The following NEK1 variants were observed in gnomAD, a reference collection of about 807,000 sequenced individuals.
The protein encoded by NEK1 is serine/threonine-protein kinase Nek1.
In NEK1, 137 loss-of-function variants were observed where a neutral mutation model predicts 182.1. That is an observed-to-expected ratio of 0.75 (90% CI 0.65 to 0.87). The LOEUF (loss-of-function observed/expected upper bound fraction) is 0.87. Among genes scored for constraint, NEK1 ranks in the 40% least tolerant of loss-of-function variants. The probability of loss-of-function intolerance (pLI) is 0.00; values close to 1 mark genes in which losing one functional copy is unlikely to be tolerated. For missense variants in NEK1, 1,391 were observed against 1,494.4 expected, an observed-to-expected ratio of 0.93 and a Z score of 1.14; for synonymous variants, 513 against 492.2, an observed-to-expected ratio of 1.04 and a Z score of -0.56.
At position 169,603,809 on chromosome 4, in the gene NEK1, G is replaced by A. The variant is rs188149772; in HGVS notation, c.-48-1131C>T. The stretch of plus-strand genomic sequence containing the variant: ...CAATCTCCACCTTCCAGGTTCCAGC[G>A]ATTCCCCTGCCTCAGCCTCCCAAGT... On this transcript the variant is annotated intron_variant, in intron 2 of 35. Transcript: ENST00000507142. Among the ~76,000 whole-genome samples, 133 of 150,446 alleles carry A rather than the reference G, an allele frequency of 8.8e-4. 1 individual carries two copies. The highest frequency in any genetic ancestry group is 3.2e-3 in the African/African-American group (130 of 40,722).
At chr4:169,571,175 T>TAAAAA (rs1404754952) in intron 12 of NEK1, among the ~76,000 whole-genome samples, 1 of 104,820 alleles carries the variant, frequency 9.5e-6, no homozygotes, top group Non-Finnish European at 2.1e-5. Flanking sequence ...GAATGATCAA[T>TAAAAA]AAAAAAATAA....
intron 27 of NEK1, among the ~76,000 whole-genome samples, chr4:169,451,684 G>A (rs1198892591): frequency 6.6e-6 from 1 of 152,088 alleles, no homozygotes; most frequent in Non-Finnish European, 1.5e-5. Context: ...AGAGAAAGCA[G>A]GAAAGATCTA....
intron 2 of NEK1, 41 bp downstream of exon 2, chr4:169,611,979 T>A (rs1186400847): frequency 6.6e-6 from 1 of 152,260 alleles, no homozygotes; most frequent in East Asian, 1.9e-4. Flanking sequence ...GGATGATTTT[T>A]ACCATTTTGC....
chr4:169,577,097 A>G lies in NEK1; in HGVS notation c.869-18T>C. 1.9e-6 allele frequency: 3 copies of G among 1,612,802 alleles called. No individual in the cohort carries two copies. The highest frequency in any genetic ancestry group is 2.5e-6 in the Non-Finnish European group (3 of 1,179,436). ...TCTTTTAGCTAGATGAAAAGATACA[A>G]AGAATTTTGTCTGCAGTTCTTTACA... On this transcript the variant is annotated intron_variant, in intron 11 of 35. Coordinates refer to ENST00000507142, the MANE Select transcript of NEK1 (RefSeq NM_001199397.3).
At chr4:169,554,889 ATG>A (rs1266730224) in intron 18 of NEK1, 2 of 152,218 alleles carry the variant, frequency 1.3e-5, no homozygotes, top group African/African-American at 4.8e-5. Context: ...GAGGTTGTGC[ATG>A]TGTGAGGAAG....
At chr4:169,497,136 G>GGTGT (rs1751468967) in intron 23 of NEK1, among the ~76,000 whole-genome samples, 2 of 151,898 alleles carry the variant, frequency 1.3e-5, no homozygotes, top group South Asian at 4.2e-4. Context: ...GTCTTGGGAG[G>GGTGT]GTGTATGTGT....
chr4:169,575,727 T>C (rs573588109), intron 12 of NEK1, among the ~76,000 whole-genome samples: 1 of 152,242 alleles, frequency 6.6e-6, no homozygotes, highest in East Asian at 1.9e-4. Context: ...CACTTTCCTC[T>C]TTGCCAGCCC....
chr4:169,571,186 AT>A (rs1301756265), intron 12 of NEK1, among the ~76,000 whole-genome samples: 18 of 89,994 alleles, frequency 2.0e-4, no homozygotes, highest in African/African-American at 6.9e-4. Context: ...AAAAAAATAA[AT>A]AAATAAATAA....
chr4:169,420,636 A>G (rs1735332747), intron 31 of NEK1, among the ~76,000 whole-genome samples: 1 of 152,180 alleles, frequency 6.6e-6, no homozygotes, highest in Non-Finnish European at 1.5e-5. Flanking sequence ...TATGTGATGC[A>G]TGACTGCCTA....
chr4:169,467,672 A>C (rs1745179782), intron 26 of NEK1, among the ~76,000 whole-genome samples: 1 of 152,160 alleles, frequency 6.6e-6, no homozygotes, highest in Non-Finnish European at 1.5e-5. Context: ...CTGTAATCCC[A>C]TTGTAAATTG....
intron 27 of NEK1, among the ~76,000 whole-genome samples, chr4:169,443,140 C>T (rs1337699817): frequency 6.6e-6 from 1 of 151,306 alleles, no homozygotes; most frequent in Non-Finnish European, 1.5e-5. Flanking sequence ...CATGGCAAAA[C>T]TCTGTCTCTA....
chr4:169,410,560 GCTCT>G (rs1198223994), intron 31 of NEK1, among the ~76,000 whole-genome samples: 2 of 152,078 alleles, frequency 1.3e-5, no homozygotes, highest in African/African-American at 2.4e-5. Flanking sequence ...TGCTGCTGCT[GCTCT>G]CTAAGAATAA....
chr4:169,571,431 T>C (rs1361613720), intron 12 of NEK1, among the ~76,000 whole-genome samples: 1 of 152,064 alleles, frequency 6.6e-6, no homozygotes, highest in Non-Finnish European at 1.5e-5. Context: ...GTGATAACAT[T>C]GTGGAGAAAA....
intron 27 of NEK1, among the ~76,000 whole-genome samples, chr4:169,439,622 T>C (rs1014603860): frequency 6.6e-6 from 1 of 152,082 alleles, no homozygotes; most frequent in Admixed American, 6.6e-5. Flanking sequence ...TTATTAAAGA[T>C]TGCTTTAGTG....
intron 28 of NEK1, among the ~76,000 whole-genome samples, chr4:169,434,731 C>T (rs1738083838): frequency 6.6e-6 from 1 of 152,192 alleles, no homozygotes; most frequent in African/African-American, 2.4e-5. Flanking sequence ...TTTAAAGCTT[C>T]CAATTATCTG....
At chr4:169,423,195 C>T (rs1041968915) in intron 31 of NEK1, among the ~76,000 whole-genome samples, 3 of 152,134 alleles carry the variant, frequency 2.0e-5, no homozygotes, top group African/African-American at 4.8e-5. Context: ...CTCCACCTCC[C>T]GGGTTCAAGT....
chr4:169,437,630 A>G (rs1017901113), intron 28 of NEK1, among the ~76,000 whole-genome samples: 3 of 152,230 alleles, frequency 2.0e-5, no homozygotes, highest in African/African-American at 7.2e-5. Flanking sequence ...GGGCCATCAC[A>G]TAAGAAGTCA....
At chr4:169,467,818 C>T (rs564801690) in intron 26 of NEK1, among the ~76,000 whole-genome samples, 3 of 151,980 alleles carry the variant, frequency 2.0e-5, no homozygotes, top group Admixed American at 1.3e-4. Context: ...AGACTGCAAT[C>T]CCATTGTAAA....
At chr4:169,514,037 G>C (rs1253241328) in intron 19 of NEK1, among the ~76,000 whole-genome samples, 1 of 150,932 alleles carries the variant, frequency 6.6e-6, no homozygotes, top group East Asian at 1.9e-4. Context: ...CCAGGCTGGA[G>C]TACAGTGGTG....
Sources: gnomAD v4.1 joint callset for allele counts (sites outside exome capture counted in the v4.1 genomes callset) on GRCh38, gnomAD v4.1.1 for gene constraint, MANE v1.5 for transcripts, NCBI Gene and HGNC (gene_info 2026-07-23, HGNC 2026-07-21) for gene names.